The following BCAS3 variants were observed in gnomAD, a reference collection of about 807,000 sequenced individuals.
BCAS3 encodes BCAS3 microtubule associated cell migration factor.
In BCAS3, 53 loss-of-function variants were observed where a neutral mutation model predicts 116.1. The observed-to-expected ratio is 0.46, with a 90% CI of 0.37 to 0.57. BCAS3 has a LOEUF of 0.57. Ranked by LOEUF, BCAS3 falls within the 20% of genes least tolerant of loss-of-function variation. The probability of loss-of-function intolerance (pLI) is 0.00; values close to 1 mark genes in which losing one functional copy is unlikely to be tolerated. For missense variants in BCAS3, 917 were observed against 1,165.4 expected, an observed-to-expected ratio of 0.79 and a Z score of 3.10; for synonymous variants, 391 against 408.2, an observed-to-expected ratio of 0.96 and a Z score of 0.51.
At chr17:60,979,909 T>G (rs2062682411) in intron 14 of BCAS3, among the ~76,000 whole-genome samples, 1 of 152,072 alleles carries the variant, frequency 6.6e-6, no homozygotes, top group African/African-American at 2.4e-5. Context: ...AGTATTTTAT[T>G]GAGGATTTTT....
In BCAS3 at chr17:61,208,631, C is replaced by T. The variant is rs9900864; in HGVS notation, c.2425+124067C>T. Among the ~76,000 whole-genome samples, 28,289 of 152,060 alleles carry T rather than the reference C, an allele frequency of 0.19. 2,967 individuals carry two copies. Among genetic ancestry groups the T allele is most frequent in the African/African-American group, 0.29 (12,051 of 41,436 alleles). ...CTCTCTTTTAAAGCTACTAGGTCCA[C>T]GCTTCTATGAAGAAAGCAGGTATCC... is the stretch of plus-strand genomic sequence containing the variant. On this transcript the variant is annotated intron_variant, in intron 22 of 23. Transcript: ENST00000407086. The surrounding 1 kb of genome is among the most constrained non-coding windows in gnomAD (Gnocchi z 4.5).
chr17:60,823,283 TG>T (rs1237818616), intron 7 of BCAS3, among the ~76,000 whole-genome samples: 5 of 152,182 alleles, frequency 3.3e-5, no homozygotes, highest in Non-Finnish European at 5.9e-5. Flanking sequence ...AGTTGTTGTT[TG>T]ATTTTACAGC....
At position 61,249,297 on chromosome 17, in the gene BCAS3, TAAATA is replaced by T. The variant is rs1192445982; in HGVS notation, c.2426-119019_2426-119015del. On this transcript the variant is annotated intron_variant, in intron 22 of 23. Coordinates refer to ENST00000407086, the MANE Select transcript of BCAS3 (RefSeq NM_017679.5). The surrounding 1 kb of genome is among the most constrained non-coding windows in gnomAD (Gnocchi z 6.2). ...AGTGAAACTCCATCTCAAAAATAAA[TAAATA>T]AAATAAAATAGAAACTTGAAAATAA... Among the ~76,000 whole-genome samples the T allele has an allele frequency of 6.6e-6, 1 of 151,992 alleles. No homozygotes were observed. The highest frequency in any genetic ancestry group is 1.5e-5 in the Non-Finnish European group (1 of 67,994).
intron 19 of BCAS3, among the ~76,000 whole-genome samples, chr17:61,042,891 C>CCAAA (rs1555682922): frequency 5.1e-5 from 3 of 58,292 alleles, no homozygotes; most frequent in African/African-American, 1.7e-4. Context: ...CTCCATCTCA[C>CCAAA]AAAAAAAAAA....
intron 22 of BCAS3, among the ~76,000 whole-genome samples, chr17:61,148,656 T>G (rs762526386): frequency 6.6e-5 from 10 of 152,232 alleles, no homozygotes; most frequent in Non-Finnish European, 1.0e-4. Flanking sequence ...CCACTCCATT[T>G]TATCCTCATA....
At chr17:60,926,819 C>T (rs1009873396) in intron 13 of BCAS3, among the ~76,000 whole-genome samples, 21 of 152,056 alleles carry the variant, frequency 1.4e-4, no homozygotes, top group African/African-American at 4.1e-4. Flanking sequence ...GTGTTGTAGT[C>T]GTCATAAAAT....
At chr17:61,382,370 C>T (rs2059646110) in intron 23 of BCAS3, among the ~76,000 whole-genome samples, 1 of 151,370 alleles carries the variant, frequency 6.6e-6, no homozygotes, top group South Asian at 2.1e-4. Flanking sequence ...AAGGGATTCT[C>T]CTGCCTCAGC....
At chr17:61,086,743 A>C in intron 22 of BCAS3, 1 of 985,398 alleles carries the variant, frequency 1.0e-6, no homozygotes, top group Non-Finnish European at 1.2e-6. Flanking sequence ...CTGAAAGACA[A>C]CCAAAACAGT....
chr17:61,020,357 T>G lies in BCAS3; in HGVS notation c.1637+4456T>G, dbSNP rs541413369. Among the ~76,000 whole-genome samples, 334 of 152,314 alleles carry G rather than the reference T, an allele frequency of 2.2e-3. 1 individual carries two copies. Among genetic ancestry groups the G allele is most frequent in the African/African-American group, 7.3e-3 (305 of 41,566 alleles). ...CTACAAATAGCAGAAGACAGATGTA[T>G]TTACACCTTCTTGTTCAGTACCTTG... is the stretch of plus-strand genomic sequence containing the variant. On this transcript the variant is annotated intron_variant, in intron 16 of 23. Coordinates refer to ENST00000407086, the MANE Select transcript of BCAS3 (RefSeq NM_017679.5). This position sits in a 1 kb window ranked among gnomAD's most constrained non-coding sequence, Gnocchi z 4.5.
At chr17:60,681,514 A>G (rs1214090663) in intron 2 of BCAS3, among the ~76,000 whole-genome samples, 1 of 151,406 alleles carries the variant, frequency 6.6e-6, no homozygotes, top group African/African-American at 2.4e-5. Context: ...AAAATAAGAA[A>G]AATAAATAGA....
intron 22 of BCAS3, among the ~76,000 whole-genome samples, chr17:61,183,443 T>A (rs1410407677): frequency 1.3e-5 from 2 of 152,078 alleles, no homozygotes; most frequent in African/African-American, 4.8e-5. Context: ...TAAACTATAT[T>A]TTAATTCATA....
intron 22 of BCAS3, among the ~76,000 whole-genome samples, chr17:61,335,663 G>A (rs898044441): frequency 4.6e-5 from 7 of 152,126 alleles, no homozygotes; most frequent in African/African-American, 7.2e-5. Flanking sequence ...CAGGAGGATC[G>A]CTAGAGGCCA....
In BCAS3 at chr17:61,200,668, TTATTA is replaced by T. The variant is rs2080766757; in HGVS notation, c.2425+116110_2425+116114del. Among the ~76,000 whole-genome samples the T allele has an allele frequency of 6.6e-6, 1 of 152,220 alleles. No individual in the cohort carries two copies. Among genetic ancestry groups the T allele is most frequent in the African/African-American group, 2.4e-5 (1 of 41,448 alleles). ...ATCCTCAGCTGTTTGGCTGGCTCTC[TTATTA>T]TATTAGTATCTTTTTACTATTATCT... On this transcript the variant is annotated intron_variant, in intron 22 of 23. Coordinates refer to ENST00000407086, the MANE Select transcript of BCAS3 (RefSeq NM_017679.5). The surrounding 1 kb of genome is among the most constrained non-coding windows in gnomAD (Gnocchi z 5.1).
chr17:61,098,375 A>G lies in BCAS3; in HGVS notation c.2425+13811A>G, dbSNP rs192337852. Among the ~76,000 whole-genome samples the G allele has an allele frequency of 4.6e-5, 7 of 152,316 alleles. No homozygotes were observed. The East Asian group carries it at 9.7e-4, about 21-fold the overall frequency. On this transcript the variant is annotated intron_variant, in intron 22 of 23. Coordinates refer to ENST00000407086, the MANE Select transcript of BCAS3 (RefSeq NM_017679.5). This position sits in a 1 kb window ranked among gnomAD's most constrained non-coding sequence, Gnocchi z 4.2. ...AAGAGAGTGATATTATAGGATTAGA[A>G]CATTGTATTTTTGGTTTTGGGTGCT...
intron 7 of BCAS3, among the ~76,000 whole-genome samples, chr17:60,817,565 T>A (rs1464635042): frequency 6.6e-6 from 1 of 152,232 alleles, no homozygotes; most frequent in Non-Finnish European, 1.5e-5. Context: ...ATTATGTCAT[T>A]TAACTGCCTT....
intron 22 of BCAS3, among the ~76,000 whole-genome samples, chr17:61,353,342 G>A (rs1158057577): frequency 1.3e-5 from 2 of 152,208 alleles, no homozygotes; most frequent in Non-Finnish European, 2.9e-5. Flanking sequence ...AGATCCCCTG[G>A]GGGTCTTATT....
intron 12 of BCAS3, among the ~76,000 whole-genome samples, chr17:60,924,034 A>G (rs1363976956): frequency 6.6e-6 from 1 of 152,240 alleles, no homozygotes; most frequent in Admixed American, 6.5e-5. Context: ...AGCAGATCGC[A>G]TAACACAGTA....
chr17:61,115,287 A>G (rs1438986619), intron 22 of BCAS3, among the ~76,000 whole-genome samples: 1 of 152,218 alleles, frequency 6.6e-6, no homozygotes, highest in Non-Finnish European at 1.5e-5. Context: ...AGAAACTACC[A>G]TCAGAGTCAA....
At chr17:60,693,482 T>C (rs1006521287) in intron 4 of BCAS3, among the ~76,000 whole-genome samples, 1 of 151,270 alleles carries the variant, frequency 6.6e-6, no homozygotes, top group African/African-American at 2.4e-5. Context: ...GAACTTGAAC[T>C]TGGCTCACTG....
Sources: gnomAD v4.1 joint callset for allele counts (sites outside exome capture counted in the v4.1 genomes callset) on GRCh38, gnomAD v4.1.1 for gene constraint, Gnocchi (gnomAD v3.1) non-coding constraint, MANE v1.5 for transcripts, NCBI Gene and HGNC (gene_info 2026-07-23, HGNC 2026-07-21) for gene names.